The following PIK3CB variants were observed in gnomAD, a reference collection of about 807,000 sequenced individuals.
The protein encoded by PIK3CB is phosphatidylinositol 4,5-bisphosphate 3-kinase catalytic subunit beta isoform.
In PIK3CB, 39 loss-of-function variants were observed where a neutral mutation model predicts 136.8. The ratio of observed to expected loss-of-function variants is 0.29; its 90% CI spans 0.22 to 0.37. PIK3CB has a LOEUF of 0.37. Among genes scored for constraint, PIK3CB ranks in the 10% least tolerant of loss-of-function variants. The pLI, the probability that PIK3CB is intolerant of heterozygous loss-of-function variation, is 1.00. For missense variants in PIK3CB, 868 were observed against 1,275.4 expected, an observed-to-expected ratio of 0.68 and a Z score of 4.87; for synonymous variants, 428 against 436.6, an observed-to-expected ratio of 0.98 and a Z score of 0.25.
Position 138,752,537 on chromosome 3 carries a change from C to T in PIK3CB, c.397+3217G>A, listed in dbSNP as rs1328390862. On this transcript the variant is annotated intron_variant, in intron 4 of 23. Coordinates refer to ENST00000674063, the MANE Select transcript of PIK3CB (RefSeq NM_006219.3). Reference sequence around the variant, plus strand: ...TAACATTTAAATTTGTGTATATAATCAAAATGCCAAAGAATACAAAAATTA... The same window carrying T: ...TAACATTTAAATTTGTGTATATAATTAAAATGCCAAAGAATACAAAAATTA... 3.9e-5 allele frequency among the ~76,000 whole-genome samples: 6 copies of T among 152,046 alleles called. No individual in the cohort carries two copies. The East Asian group carries it at 1.2e-3, about 29-fold the overall frequency.
intron 14 of PIK3CB, among the ~76,000 whole-genome samples, chr3:138,691,524 A>T (rs2044007883): frequency 6.6e-6 from 1 of 152,194 alleles, no homozygotes; most frequent in South Asian, 2.1e-4. Context: ...TAGTCTCATG[A>T]CAGTGAGTGA....
chr3:138,812,193 A>C (rs564144806), intron 1 of PIK3CB, among the ~76,000 whole-genome samples: 1 of 151,984 alleles, frequency 6.6e-6, no homozygotes, highest in East Asian at 1.9e-4. Flanking sequence ...GAGGTTAGAA[A>C]GGGTGGGAGG....
At chr3:138,812,551 G>A (rs1472037498) in intron 1 of PIK3CB, among the ~76,000 whole-genome samples, 10 of 144,746 alleles carry the variant, frequency 6.9e-5, no homozygotes, top group African/African-American at 1.8e-4. Flanking sequence ...TTTTTGAGAC[G>A]AAGTCTCACT....
intron 1 of PIK3CB, among the ~76,000 whole-genome samples, chr3:138,832,557 G>A (rs1236517631): frequency 6.6e-6 from 1 of 151,950 alleles, no homozygotes; most frequent in African/African-American, 2.4e-5. Flanking sequence ...GCCGGGCGCG[G>A]TGGCTTCCTC....
At chr3:138,710,264 C>A (rs2044469838) in intron 10 of PIK3CB, among the ~76,000 whole-genome samples, 2 of 151,960 alleles carry the variant, frequency 1.3e-5, no homozygotes, top group Admixed American at 6.6e-5. Flanking sequence ...TTAGTGAAAA[C>A]TGTTAGAGGT....
intron 12 of PIK3CB, 51 bp downstream of exon 12, chr3:138,704,392 T>C: frequency 8.3e-7 from 1 of 1,199,048 alleles, no homozygotes; most frequent in South Asian, 1.2e-5. Flanking sequence ...AGATACCTAA[T>C]AATGTGCACA....
At chr3:138,668,733 A>G (rs764117079) in intron 19 of PIK3CB, among the ~76,000 whole-genome samples, 2 of 152,178 alleles carry the variant, frequency 1.3e-5, no homozygotes, top group Non-Finnish European at 2.9e-5. Context: ...CAATTTTGCT[A>G]CATTGATATA....
At chr3:138,782,573 C>A (rs1389969372) in intron 2 of PIK3CB, among the ~76,000 whole-genome samples, 3 of 152,114 alleles carry the variant, frequency 2.0e-5, no homozygotes, top group African/African-American at 7.2e-5. Context: ...GGGCACTTAG[C>A]GGATACACAT....
chr3:138,759,540 A>T (rs1334721188), intron 2 of PIK3CB, among the ~76,000 whole-genome samples, 181 bp from the exon 3 acceptor site: 2 of 152,222 alleles, frequency 1.3e-5, no homozygotes, highest in Non-Finnish European at 2.9e-5. Flanking sequence ...GAAATAAATT[A>T]TTTAAATACA....
At chr3:138,715,852 AG>A (rs1218902893) in intron 8 of PIK3CB, among the ~76,000 whole-genome samples, 1 of 152,018 alleles carries the variant, frequency 6.6e-6, no homozygotes, top group Non-Finnish European at 1.5e-5. Flanking sequence ...AGTAAAAAAA[AG>A]ATGACTGACT....
At chr3:138,660,397 T>C (rs1475081443) in intron 21 of PIK3CB, among the ~76,000 whole-genome samples, 2 of 152,246 alleles carry the variant, frequency 1.3e-5, no homozygotes, top group Non-Finnish European at 2.9e-5. Flanking sequence ...AATATATTTT[T>C]TTGCTTTGAT....
At chr3:138,697,809 T>C (rs2044170307) in intron 13 of PIK3CB, among the ~76,000 whole-genome samples, 1 of 152,178 alleles carries the variant, frequency 6.6e-6, no homozygotes, top group Non-Finnish European at 1.5e-5. Flanking sequence ...TTTGGTTCAC[T>C]GCAGCCTCAA....
chr3:138,819,075 G>A (rs1217044293), intron 1 of PIK3CB, among the ~76,000 whole-genome samples: 3 of 152,176 alleles, frequency 2.0e-5, no homozygotes, highest in Non-Finnish European at 4.4e-5. Context: ...CGGGCCGGGC[G>A]CAGTGGCTCA....
At chr3:138,788,986 A>AC (rs1252166324) in intron 2 of PIK3CB, among the ~76,000 whole-genome samples, 18 of 139,060 alleles carry the variant, frequency 1.3e-4, no homozygotes, top group Non-Finnish European at 1.8e-4. Flanking sequence ...AAAAAAAAAA[A>AC]AAAAAACAAA....
intron 8 of PIK3CB, among the ~76,000 whole-genome samples, chr3:138,725,040 T>C (rs1037494570): frequency 3.9e-5 from 6 of 152,106 alleles, no homozygotes; most frequent in African/African-American, 1.4e-4. Flanking sequence ...GGTGTGAGGT[T>C]TGAAAATTTA....
chr3:138,748,334 C>T (rs1340462410), intron 4 of PIK3CB, among the ~76,000 whole-genome samples: 3 of 152,124 alleles, frequency 2.0e-5, no homozygotes, highest in African/African-American at 7.2e-5. Flanking sequence ...CAGCTCCCTG[C>T]TGCCAATAAT....
intron 19 of PIK3CB, among the ~76,000 whole-genome samples, chr3:138,666,339 T>A (rs992385243): frequency 1.3e-5 from 2 of 152,082 alleles, no homozygotes; most frequent in Non-Finnish European, 2.9e-5. Flanking sequence ...CCTGGCTAGT[T>A]TTTTTATTTT....
chr3:138,693,984 A>ATATATATATATATATG (rs2044080406), intron 14 of PIK3CB, among the ~76,000 whole-genome samples: 1 of 105,714 alleles, frequency 9.5e-6, no homozygotes, highest in Non-Finnish European at 1.9e-5. Flanking sequence ...ATATATATAT[A>ATATATATATATATATG]TATATATATT....
At position 138,691,275 on chromosome 3, in the gene PIK3CB, C is replaced by A. The variant is rs954284606; in HGVS notation, c.1893-132G>T. On this transcript the variant is annotated intron_variant, in intron 14 of 23. Coordinates refer to ENST00000674063, the MANE Select transcript of PIK3CB (RefSeq NM_006219.3). ...TTGGGCCAGGCTTGTTACATGCTTTCCTTCACTGTACCACTGTTACAATAT... is the reference window on the plus strand; with the variant it reads ...TTGGGCCAGGCTTGTTACATGCTTTACTTCACTGTACCACTGTTACAATAT... 5 of 747,726 alleles carry A rather than the reference C, an allele frequency of 6.7e-6. No homozygotes were observed. In the African/African-American group the frequency reaches 8.9e-5, roughly 13 times the overall value. The allele number at this position is 747,726 out of a possible 1,614,324, so 46.3% of individuals were successfully genotyped here. A position where few individuals can be genotyped will look rare whatever the true frequency, so the allele number is the denominator to read the frequency against.
Sources: allele counts gnomAD v4.1 joint callset (sites outside exome capture counted in the v4.1 genomes callset), GRCh38; gene constraint gnomAD v4.1.1; transcripts MANE v1.5; gene names NCBI Gene and HGNC (gene_info 2026-07-23, HGNC 2026-07-21).